SYT1: variants seen among roughly 807,000 people sequenced by gnomAD.
The protein encoded by SYT1 is synaptotagmin-1.
SYT1 carries 8 observed loss-of-function variants against 44.8 expected under a neutral mutation model. The ratio of observed to expected loss-of-function variants is 0.18; its 90% CI spans 0.10 to 0.32. The LOEUF (loss-of-function observed/expected upper bound fraction) is 0.32. Among genes scored for constraint, SYT1 ranks in the 10% least tolerant of loss-of-function variants. The pLI is 1.00. For synonymous variants in SYT1, 154 were observed against 188.8 expected (o/e 0.82, Z 1.51); for missense variants, 286 against 509.3 (o/e 0.56, Z 4.22).
intron 9 of SYT1, among the ~76,000 whole-genome samples, chr12:79,366,894 CTGTGTG>C (rs3995413): frequency 0.11 from 12,852 of 117,244 alleles, 721 homozygotes; most frequent in Middle Eastern, 0.15. Flanking sequence ...ATAAATAATA[CTGTGTG>C]TGTGTGTGTG....
intron 3 of SYT1, among the ~76,000 whole-genome samples, chr12:79,127,621 G>C (rs1239821263): frequency 2.0e-5 from 3 of 151,944 alleles, no homozygotes; most frequent in Non-Finnish European, 4.4e-5. Flanking sequence ...GAGCAGAATA[G>C]TGAACATGAA....
At chr12:79,386,963 A>C (rs902790160) in intron 9 of SYT1, among the ~76,000 whole-genome samples, 1 of 152,202 alleles carries the variant, frequency 6.6e-6, no homozygotes, top group Non-Finnish European at 1.5e-5. Flanking sequence ...AACCTACTCC[A>C]GCATTTAATA....
intron 9 of SYT1, among the ~76,000 whole-genome samples, chr12:79,438,974 C>A (rs17005597): frequency 6.6e-6 from 1 of 151,944 alleles, no homozygotes. Context: ...AAAGGAGTCA[C>A]GAGAAAAAGT....
intron 1 of SYT1, among the ~76,000 whole-genome samples, chr12:78,963,473 C>A (rs974161817): frequency 4.6e-5 from 7 of 151,814 alleles, no homozygotes; most frequent in East Asian, 1.9e-4. Context: ...GCAAAAAAAA[C>A]ACACTGACAA....
intron 1 of SYT1, among the ~76,000 whole-genome samples, chr12:78,936,488 G>A (rs1878066137): frequency 6.6e-6 from 1 of 151,986 alleles, no homozygotes; most frequent in Non-Finnish European, 1.5e-5. Flanking sequence ...TTGTAGATTG[G>A]CCTTGTAGGT....
intron 4 of SYT1, among the ~76,000 whole-genome samples, chr12:79,249,712 G>A (rs2138687452): frequency 6.6e-6 from 1 of 152,270 alleles, no homozygotes; most frequent in Non-Finnish European, 1.5e-5. Flanking sequence ...GCCCAGCCTT[G>A]GTGATGACTT....
rs138711873 is a variant in SYT1 at position 79,282,763 on chromosome 12, C to G, written c.167-3024C>G. 3.7e-3 allele frequency among the ~76,000 whole-genome samples: 570 copies of G among 152,246 alleles called. 2 individuals carry two copies. Among genetic ancestry groups the G allele is most frequent in the African/African-American group, 0.013 (536 of 41,566 alleles). ...TAAAGATAAATTTGAATTTCTCAAA[C>G]TATTCAACCTATAGTTTTTCCTCTG... On this transcript the variant is annotated intron_variant, in intron 4 of 10. Transcript: ENST00000261205.
intron 2 of SYT1, among the ~76,000 whole-genome samples, chr12:79,031,503 T>C (rs1386497837): frequency 6.6e-6 from 1 of 151,038 alleles, no homozygotes; most frequent in Non-Finnish European, 1.5e-5. Context: ...TGTCAGAAAA[T>C]GCAGGGGAAT....
intron 3 of SYT1, among the ~76,000 whole-genome samples, chr12:79,147,647 T>C (rs564607835): frequency 6.6e-6 from 1 of 152,136 alleles, no homozygotes; most frequent in African/African-American, 2.4e-5. Flanking sequence ...CAGTACCAAA[T>C]GCAAGTAGCT....
chr12:79,153,886 A>G (rs1483463473), intron 3 of SYT1, among the ~76,000 whole-genome samples: 1 of 152,118 alleles, frequency 6.6e-6, no homozygotes, highest in Non-Finnish European at 1.5e-5. Flanking sequence ...TAAAACATGT[A>G]CCCACATGGA....
intron 3 of SYT1, among the ~76,000 whole-genome samples, chr12:79,173,188 G>A (rs1043101607): frequency 6.6e-6 from 1 of 151,814 alleles, no homozygotes; most frequent in Non-Finnish European, 1.5e-5. Context: ...TGCATTATGG[G>A]CTTAAATGTG....
At chr12:79,303,075 G>C (rs1185410962) in intron 8 of SYT1, among the ~76,000 whole-genome samples, 5 of 151,984 alleles carry the variant, frequency 3.3e-5, no homozygotes, top group Non-Finnish European at 2.9e-5. Context: ...CAAAAAATAA[G>C]TATTTATTGT....
chr12:79,105,887 GAA>G (rs548347157), intron 3 of SYT1, among the ~76,000 whole-genome samples: 1 of 96,510 alleles, frequency 1.0e-5, no homozygotes, highest in South Asian at 3.2e-4. Flanking sequence ...CTCAAGAAAA[GAA>G]AAAAAAAAAA....
rs140166859 is a variant in SYT1, at chr12:78,960,081, G to A, written c.-216-17718G>A. On this transcript the variant is annotated intron_variant, in intron 1 of 10. Transcript: ENST00000261205. ...ATTCTTGGTTTTTTAAAATTTTACC[G>A]TCTAATAGTCAATACATTAGTGAAG... Among the ~76,000 whole-genome samples, 145 of 152,056 alleles carry A rather than the reference G, an allele frequency of 9.5e-4. No homozygotes were observed. In the East Asian group the frequency reaches 9.9e-3, roughly 10 times the overall value.
chr12:79,042,547 T>C (rs1415704511), intron 2 of SYT1, among the ~76,000 whole-genome samples: 1 of 145,146 alleles, frequency 6.9e-6, no homozygotes, highest in African/African-American at 2.5e-5. Context: ...TAGTGGTCTA[T>C]CAATTTTGTT....
intron 4 of SYT1, among the ~76,000 whole-genome samples, chr12:79,276,968 G>C (rs1233366384): frequency 7.2e-6 from 1 of 138,668 alleles, no homozygotes; most frequent in East Asian, 2.0e-4. Context: ...GGAGGAGGAG[G>C]AGGAAGAGGA....
At chr12:79,399,397 T>C (rs1884994109) in intron 9 of SYT1, among the ~76,000 whole-genome samples, 1 of 152,096 alleles carries the variant, frequency 6.6e-6, no homozygotes, top group South Asian at 2.1e-4. Flanking sequence ...ATGATATTCC[T>C]GTTATTTAGA....
intron 4 of SYT1, among the ~76,000 whole-genome samples, chr12:79,273,560 A>G (rs1184161870): frequency 4.6e-5 from 7 of 152,132 alleles, no homozygotes; most frequent in Non-Finnish European, 1.0e-4. Flanking sequence ...CATGATTCTC[A>G]TTTCCACTGC....
intron 3 of SYT1, among the ~76,000 whole-genome samples, chr12:79,100,165 G>A (rs567971517): frequency 7.2e-5 from 11 of 152,142 alleles, no homozygotes; most frequent in African/African-American, 1.7e-4. Flanking sequence ...GGAGGAGTTC[G>A]TTAATATTAT....
Sources: gnomAD v4.1 joint callset for allele counts (sites outside exome capture counted in the v4.1 genomes callset) on GRCh38, gnomAD v4.1.1 for gene constraint, MANE v1.5 for transcripts, NCBI Gene and HGNC (gene_info 2026-07-23, HGNC 2026-07-21) for gene names.